ZFHX4: variants seen among roughly 807,000 people sequenced by gnomAD.
The protein encoded by ZFHX4 is zinc finger homeobox 4.
ZFHX4 carries 56 observed loss-of-function variants against 267.6 expected under a neutral mutation model. That is an observed-to-expected ratio of 0.21 (90% CI 0.17 to 0.26). The LOEUF (loss-of-function observed/expected upper bound fraction) is 0.26. Ranked by LOEUF, ZFHX4 falls within the 10% of genes least tolerant of loss-of-function variation. The pLI, the probability that ZFHX4 is intolerant of heterozygous loss-of-function variation, is 1.00. For missense variants in ZFHX4, 4,332 were observed against 4,420.0 expected, an observed-to-expected ratio of 0.98 and a Z score of 0.56; for synonymous variants, 1,778 against 1,665.6, an observed-to-expected ratio of 1.07 and a Z score of -1.64.
In ZFHX4 at chr8:76,853,824, T is replaced by C. The variant is rs1812619528; in HGVS notation, c.6903T>C (p.Asn2301=). Residue 2301 remains asparagine (N), a synonymous_variant, in exon 10 of 11, where the codon AAT becomes AAC. Coordinates refer to ENST00000651372, the MANE Select transcript of ZFHX4 (RefSeq NM_024721.5). ...ATAATGAAAAAAGAGAACTCACTAA[T>C]GAACGGTACATTCGAACAAGCAACA... The part of the protein sequence containing the change: ...TKDNEKRELT[N]ERYIRTSNMQ... 5.6e-6 allele frequency: 9 copies of C among 1,613,904 alleles called. No homozygotes were observed. Among genetic ancestry groups the C allele is most frequent in the Non-Finnish European group, 6.8e-6 (8 of 1,179,862 alleles).
chr8:76,778,502 C>T (rs763605499), intron 4 of ZFHX4, 63 bp downstream of exon 4: 213 of 1,220,896 alleles, frequency 1.7e-4, no homozygotes, highest in Non-Finnish European at 2.2e-4. Flanking sequence ...CACACACACA[C>T]ACACACAAAC....
At chr8:76,790,936 C>A (rs1810820040) in intron 4 of ZFHX4, among the ~76,000 whole-genome samples, 2 of 152,240 alleles carry the variant, frequency 1.3e-5, no homozygotes, top group South Asian at 4.1e-4. Flanking sequence ...AGCCACTCAA[C>A]CAGAGAAGAA....
chr8:76,863,449 A>G lies in ZFHX4; in HGVS notation c.9735A>G (p.Ala3245=). 6.2e-7 allele frequency: 1 copy of G among 1,613,894 alleles called. No individual in the cohort carries two copies. The highest frequency in any genetic ancestry group is 8.5e-7 in the Non-Finnish European group (1 of 1,179,846). ...ATGTCGATCCTATTCAGTTGCAGGCATTACAGAATGCAATTGCTGGTGACC... is the reference window on the plus strand; with the variant it reads ...ATGTCGATCCTATTCAGTTGCAGGCGTTACAGAATGCAATTGCTGGTGACC... ...ETHVDPIQLQ[A]LQNAIAGDPA... Residue 3245 remains alanine (A), a synonymous_variant, in exon 11 of 11, where the codon GCA becomes GCG. Transcript: ENST00000651372.
At position 76,856,530 on chromosome 8, in the gene ZFHX4, A is replaced by G. The variant is rs370155130; in HGVS notation, c.9379+230A>G. Among the ~76,000 whole-genome samples, 11 of 152,310 alleles carry G rather than the reference A, an allele frequency of 7.2e-5. 1 individual carries two copies. The East Asian group carries it at 1.5e-3, about 21-fold the overall frequency. On this transcript the variant is annotated intron_variant, in intron 10 of 10. Coordinates refer to ENST00000651372, the MANE Select transcript of ZFHX4 (RefSeq NM_024721.5). ...GGTAGATCACAGCAGATTCTCAGATATATATTAATTATTTGTATCATTACA... is the reference window on the plus strand; with the variant it reads ...GGTAGATCACAGCAGATTCTCAGATGTATATTAATTATTTGTATCATTACA...
intron 3 of ZFHX4, among the ~76,000 whole-genome samples, chr8:76,713,627 T>G (rs1301220834): frequency 6.6e-6 from 1 of 152,186 alleles, no homozygotes; most frequent in Non-Finnish European, 1.5e-5. Context: ...AAATATCCCA[T>G]GTTGCAAGAT....
chr8:76,743,480 T>C (rs760555805), intron 3 of ZFHX4, among the ~76,000 whole-genome samples: 2 of 152,172 alleles, frequency 1.3e-5, no homozygotes, highest in Non-Finnish European at 2.9e-5. Flanking sequence ...ACACATGAAA[T>C]TCAATGATGG....
chr8:76,727,271 C>A (rs958399497), intron 3 of ZFHX4, among the ~76,000 whole-genome samples: 1 of 152,018 alleles, frequency 6.6e-6, no homozygotes, highest in African/African-American at 2.4e-5. Flanking sequence ...CTTGGGGCCG[C>A]AGCCACATTT....
At position 76,705,375 on chromosome 8, in the gene ZFHX4, G is replaced by A. The variant is rs376434723; in HGVS notation, c.1287G>A (p.Ser429=). Residue 429 remains serine, a synonymous_variant, in exon 2 of 11, where the codon TCG becomes TCA. Transcript: ENST00000651372. The part of the protein sequence containing the change: ...PITSVSLSHS[S]SESSKMSESK... Reference sequence around the variant, plus strand: ...CCTCTGTCTCCCTCAGCCACTCATCGTCTGAGTCTAGCAAGATGTCAGAGA... The same window carrying A: ...CCTCTGTCTCCCTCAGCCACTCATCATCTGAGTCTAGCAAGATGTCAGAGA... 5.6e-6 allele frequency: 9 copies of A among 1,613,882 alleles called. No homozygotes were observed. The highest frequency in any genetic ancestry group is 7.6e-6 in the Non-Finnish European group (9 of 1,179,868).
intron 4 of ZFHX4, among the ~76,000 whole-genome samples, chr8:76,825,360 A>C: frequency 6.6e-6 from 1 of 152,246 alleles, no homozygotes; most frequent in Admixed American, 6.5e-5. Context: ...AGTATCAAAT[A>C]GCTAGAAACT....
chr8:76,779,536 C>CA (rs1438952630), intron 4 of ZFHX4, among the ~76,000 whole-genome samples: 3 of 152,110 alleles, frequency 2.0e-5, no homozygotes, highest in African/African-American at 7.2e-5. Flanking sequence ...TACTCCATTA[C>CA]ATAGCAACTC....
intron 1 of ZFHX4, among the ~76,000 whole-genome samples, chr8:76,688,166 G>A (rs542457716): frequency 6.6e-6 from 1 of 152,222 alleles, no homozygotes; most frequent in Admixed American, 6.5e-5. Context: ...TTGGGTATCA[G>A]GAATTCCCAG....
intron 3 of ZFHX4, among the ~76,000 whole-genome samples, chr8:76,747,924 C>T (rs182885522): frequency 1.4e-3 from 203 of 148,688 alleles, no homozygotes; most frequent in Non-Finnish European, 1.4e-3. Flanking sequence ...CAGAGCGAGG[C>T]TCTATCTCAA....
chr8:76,745,028 T>C (rs1167529898), intron 3 of ZFHX4, among the ~76,000 whole-genome samples: 1 of 152,166 alleles, frequency 6.6e-6, no homozygotes, highest in Non-Finnish European at 1.5e-5. Context: ...TGCTGGGCCA[T>C]GATGACATAG....
intron 4 of ZFHX4, among the ~76,000 whole-genome samples, chr8:76,813,920 C>G (rs924525854): frequency 6.6e-6 from 1 of 151,946 alleles, no homozygotes; most frequent in Non-Finnish European, 1.5e-5. Flanking sequence ...CTTTATATTA[C>G]AGAAAAAAAT....
In ZFHX4 at chr8:76,851,662, C is replaced by T; in HGVS notation, c.4741C>T (p.Pro1581Ser). 2 of 1,613,842 alleles carry T rather than the reference C, an allele frequency of 1.2e-6. No homozygotes were observed. Among genetic ancestry groups the T allele is most frequent in the Non-Finnish European group, 1.7e-6 (2 of 1,179,840 alleles). ...TTTGCAGGAAGCCTCCAGTCCTGTC[C>T]CACAAGAAACCAACAGCAACACAGA... ...KVLQEASSPV[P>S]QETNSNTDNK... Residue 1581 changes from proline (P) to serine (S), a missense_variant, in exon 10 of 11, where the codon CCA (proline) becomes TCA (serine). Pro to Ser is a moderately conservative substitution (Grantham distance 74). Coordinates refer to ENST00000651372, the MANE Select transcript of ZFHX4 (RefSeq NM_024721.5).
chr8:76,825,279 C>T (rs541262563), intron 4 of ZFHX4, among the ~76,000 whole-genome samples: 68 of 152,286 alleles, frequency 4.5e-4, no homozygotes, highest in African/African-American at 1.6e-3. Context: ...TAATACCATC[C>T]TGCAAACTTA....
chr8:76,833,290 A>T (rs777227227), intron 4 of ZFHX4, 48 bp from the exon 5 acceptor site: 6 of 1,526,948 alleles, frequency 3.9e-6, no homozygotes, highest in Non-Finnish European at 5.4e-6. Context: ...ATGATGAGAG[A>T]GCTGGATATG....
At position 76,854,309 on chromosome 8, in the gene ZFHX4, C is replaced by G; in HGVS notation, c.7388C>G (p.Pro2463Arg). The change falls in exon 10 of 11, where the codon CCC becomes CGC. Residue 2463 changes from proline (P) to arginine (R), a missense_variant. Physicochemically the swap from Pro to Arg is moderately radical, Grantham distance 103. Transcript: ENST00000651372. The part of the protein sequence containing the change: ...PKQPQLIGRP[P>R]SASQTPVPSS... ...CAACCCCAACTTATCGGAAGACCTCCCTCGGCCTCTCAAACACCGGTCCCT... is the reference window on the plus strand; with the variant it reads ...CAACCCCAACTTATCGGAAGACCTCGCTCGGCCTCTCAAACACCGGTCCCT... 1.2e-6 allele frequency: 2 copies of G among 1,612,448 alleles called. No individual in the cohort carries two copies. The highest frequency in any genetic ancestry group is 3.4e-5 in the Admixed American group (2 of 59,670).
At chr8:76,805,044 A>G (rs1185487826) in intron 4 of ZFHX4, among the ~76,000 whole-genome samples, 1 of 152,112 alleles carries the variant, frequency 6.6e-6, no homozygotes, top group Non-Finnish European at 1.5e-5. Context: ...CCTCTTCAAT[A>G]TTAAAAAGAG....
Sources: allele counts gnomAD v4.1 joint callset (sites outside exome capture counted in the v4.1 genomes callset), GRCh38; gene constraint gnomAD v4.1.1; transcripts MANE v1.5; gene names NCBI Gene and HGNC (gene_info 2026-07-23, HGNC 2026-07-21).